Variants in MDGA2 observed in about 807,000 individuals in gnomAD.
MDGA2 encodes the protein MAM domain-containing glycosylphosphatidylinositol anchor protein 2.
MDGA2 carries 40 observed loss-of-function variants against 117.8 expected under a neutral mutation model. The ratio of observed to expected loss-of-function variants is 0.34; its 90% CI spans 0.26 to 0.44. The LOEUF is 0.44. Among genes scored for constraint, MDGA2 ranks in the 20% least tolerant of loss-of-function variants. MDGA2 has a pLI of 1.00. For synonymous variants in MDGA2, 452 were observed against 439.0 expected (o/e 1.03, Z -0.37); for missense variants, 1,123 against 1,250.6 (o/e 0.90, Z 1.54).
intron 4 of MDGA2, among the ~76,000 whole-genome samples, chr14:47,137,172 G>T (rs920676284): frequency 1.3e-5 from 2 of 152,138 alleles, no homozygotes; most frequent in African/African-American, 2.4e-5. Flanking sequence ...TTACAAAAGA[G>T]AATTTGTGCT....
intron 3 of MDGA2, among the ~76,000 whole-genome samples, chr14:47,173,641 T>C (rs1483954689): frequency 6.6e-6 from 1 of 152,056 alleles, no homozygotes; most frequent in Non-Finnish European, 1.5e-5. Context: ...AAAGAGCTCC[T>C]GAAGGAAGCA....
chr14:47,654,127 T>C (rs6572441), intron 1 of MDGA2, among the ~76,000 whole-genome samples: 9,818 of 152,204 alleles, frequency 0.065, 1,052 homozygotes, highest in African/African-American at 0.22. Context: ...CTACAAATTG[T>C]GTAAAAATTC....
In MDGA2 at chr14:47,296,921, A is replaced by G. The variant is rs570899751; in HGVS notation, c.420+4490T>C. On this transcript the variant is annotated intron_variant, in intron 2 of 16. Transcript: ENST00000399232. ...AGAACTATTCAGCCTGAGTGAAGAC[A>G]ATGATCCAGGCCACTGGTTCAAACT... Among the ~76,000 whole-genome samples, 4 of 152,336 alleles carry G rather than the reference A, an allele frequency of 2.6e-5. No individual in the cohort carries two copies. The East Asian group carries it at 7.7e-4, about 29-fold the overall frequency.
chr14:47,407,490 A>G (rs926389220), intron 1 of MDGA2, among the ~76,000 whole-genome samples: 7 of 152,148 alleles, frequency 4.6e-5, no homozygotes, highest in Non-Finnish European at 1.0e-4. Context: ...AATTCTTTAT[A>G]GAATTCCATG....
rs1210880811 is a variant in MDGA2 at position 47,275,256 on chromosome 14, T to C, written c.420+26155A>G. 3.9e-5 allele frequency among the ~76,000 whole-genome samples: 6 copies of C among 152,164 alleles called. No homozygotes were observed. In the East Asian group the frequency reaches 1.2e-3, roughly 29 times the overall value. The stretch of plus-strand genomic sequence containing the variant: ...ACATGATATACTGTGAATTCCTCTT[T>C]TGTTAGCTTAGAACAGGGTAGAGTC... On this transcript the variant is annotated intron_variant, in intron 2 of 16. Coordinates refer to ENST00000399232, the MANE Select transcript of MDGA2 (RefSeq NM_001113498.3).
intron 8 of MDGA2, among the ~76,000 whole-genome samples, chr14:46,979,360 C>G (rs1310263152): frequency 6.6e-6 from 1 of 152,034 alleles, no homozygotes. Context: ...CAATTAACAA[C>G]CCTACAATGG....
chr14:47,048,897 A>G (rs1407602618), intron 7 of MDGA2, among the ~76,000 whole-genome samples: 3 of 152,162 alleles, frequency 2.0e-5, no homozygotes, highest in Non-Finnish European at 4.4e-5. Flanking sequence ...AGAAGTATAC[A>G]GAAGTTTACA....
At chr14:47,553,504 A>AT (rs570942209) in intron 1 of MDGA2, among the ~76,000 whole-genome samples, 366 of 152,258 alleles carry the variant, frequency 2.4e-3, no homozygotes, top group African/African-American at 8.4e-3. Flanking sequence ...TAAATAGCTA[A>AT]TTTTTTCAAA....
intron 1 of MDGA2, among the ~76,000 whole-genome samples, chr14:47,415,504 T>C (rs989896068): frequency 6.6e-6 from 1 of 152,164 alleles, no homozygotes; most frequent in Non-Finnish European, 1.5e-5. Context: ...ATAGTTATAA[T>C]TGTTCTATTT....
chr14:46,921,240 T>G (rs1049283200), intron 9 of MDGA2, among the ~76,000 whole-genome samples: 32 of 152,264 alleles, frequency 2.1e-4, no homozygotes, highest in African/African-American at 7.7e-4. Context: ...AGCTTCGCAA[T>G]TCTTAATAAG....
At chr14:47,025,278 T>G (rs138464598) in intron 8 of MDGA2, among the ~76,000 whole-genome samples, 3 of 152,296 alleles carry the variant, frequency 2.0e-5, no homozygotes, top group African/African-American at 7.2e-5. Context: ...GAATGTCAAC[T>G]ATAATCTTAG....
intron 1 of MDGA2, among the ~76,000 whole-genome samples, chr14:47,421,803 T>C (rs1417029840): frequency 2.0e-5 from 3 of 152,188 alleles, no homozygotes; most frequent in African/African-American, 7.2e-5. Flanking sequence ...AACTAGATTA[T>C]ACTTCCTAAA....
chr14:47,281,032 TTAATA>T (rs1248882145), intron 2 of MDGA2, among the ~76,000 whole-genome samples: 13 of 147,672 alleles, frequency 8.8e-5, no homozygotes, highest in African/African-American at 2.7e-4. Context: ...AAATATATAA[TTAATA>T]TAATATAAAA....
At chr14:47,393,541 A>G (rs139343412) in intron 1 of MDGA2, among the ~76,000 whole-genome samples, 12 of 152,280 alleles carry the variant, frequency 7.9e-5, no homozygotes, top group African/African-American at 2.9e-4. Context: ...TATAATCAGC[A>G]GAAGCTAATT....
At chr14:47,411,658 CA>C (rs1892374757) in intron 1 of MDGA2, among the ~76,000 whole-genome samples, 1 of 152,112 alleles carries the variant, frequency 6.6e-6, no homozygotes, top group East Asian at 1.9e-4. Flanking sequence ...TGTTAACTGG[CA>C]GTAGGCGCAT....
chr14:47,089,316 T>C (rs573116697), intron 6 of MDGA2, among the ~76,000 whole-genome samples: 3 of 152,158 alleles, frequency 2.0e-5, no homozygotes, highest in Non-Finnish European at 4.4e-5. Flanking sequence ...AGCTCTATTA[T>C]TTAAATAAAG....
intron 1 of MDGA2, among the ~76,000 whole-genome samples, chr14:47,442,968 A>G (rs1310306477): frequency 6.6e-6 from 1 of 152,128 alleles, no homozygotes; most frequent in Non-Finnish European, 1.5e-5. Flanking sequence ...CAGTTATCAG[A>G]TGGACTGTCA....
chr14:47,465,170 G>A (rs1311771879), intron 1 of MDGA2, among the ~76,000 whole-genome samples: 1 of 151,934 alleles, frequency 6.6e-6, no homozygotes, highest in Non-Finnish European at 1.5e-5. Flanking sequence ...TACCATACAG[G>A]AAAATTAAAT....
At chr14:47,456,322 C>T (rs1170630361) in intron 1 of MDGA2, among the ~76,000 whole-genome samples, 15 of 126,586 alleles carry the variant, frequency 1.2e-4, no homozygotes, top group Admixed American at 9.9e-4. Flanking sequence ...GAAGGAGTTT[C>T]GCTCTTATTG....
Sources: gnomAD v4.1 joint callset for allele counts (sites outside exome capture counted in the v4.1 genomes callset) on GRCh38, gnomAD v4.1.1 for gene constraint, MANE v1.5 for transcripts, NCBI Gene and HGNC (gene_info 2026-07-23, HGNC 2026-07-21) for gene names.